KIR3DL3: variants seen among roughly 807,000 people sequenced by gnomAD.
KIR3DL3 encodes killer cell immunoglobulin-like receptor 3DL3.
Under a neutral mutation model 34.9 loss-of-function variants are expected in KIR3DL3, and 27 were observed. The ratio of observed to expected loss-of-function variants is 0.77; its 90% CI spans 0.57 to 1.07. The LOEUF (loss-of-function observed/expected upper bound fraction) is 1.07. Among genes scored for constraint, KIR3DL3 ranks in the 50% least tolerant of loss-of-function variants. The probability of loss-of-function intolerance (pLI) is 0.00; values close to 1 mark genes in which losing one functional copy is unlikely to be tolerated. For missense variants in KIR3DL3, 681 were observed against 528.5 expected, an observed-to-expected ratio of 1.29 and a Z score of -2.83; for synonymous variants, 217 against 200.2, an observed-to-expected ratio of 1.08 and a Z score of -0.71.
chr19:54,729,877 A>T (rs1388422354), intron 5 of KIR3DL3, 91 bp downstream of exon 5: 2 of 1,277,400 alleles, frequency 1.6e-6, no homozygotes, highest in African/African-American at 1.5e-5. Context: ...GCATGGACAG[A>T]TGCCGAGACA....
intron 4 of KIR3DL3, among the ~76,000 whole-genome samples, chr19:54,728,394 C>T (rs2068433460): frequency 1.4e-5 from 2 of 147,432 alleles, no homozygotes; most frequent in South Asian, 2.2e-4. Flanking sequence ...GTGGAGCTGT[C>T]ATCGTCCCAG....
chr19:54,728,971 TG>T (rs1345168709), intron 4 of KIR3DL3, among the ~76,000 whole-genome samples: 1 of 134,180 alleles, frequency 7.5e-6, no homozygotes, highest in Admixed American at 7.8e-5. Flanking sequence ...GACAGACAGA[TG>T]ATATATAAAT....
chr19:54,729,746 G>A lies in KIR3DL3; in HGVS notation c.909G>A (p.Ala303=), dbSNP rs1176261846. The A allele has an allele frequency of 1.2e-5, 19 of 1,588,258 alleles. No individual in the cohort carries two copies. In the East Asian group the frequency reaches 1.4e-4, roughly 11 times the overall value. ...GCTCTTTCCGTGCCCTGCCCCATGC[G>A]TGGTCAGACCCGAGTGACCCACTGC... ...CFGSFRALPH[A]WSDPSDPLPV... is the part of the protein sequence containing the mutation. Residue 303 remains alanine, a synonymous_variant, in exon 5 of 8, where the codon GCG becomes GCA. Transcript: ENST00000291860.
intron 5 of KIR3DL3, among the ~76,000 whole-genome samples, chr19:54,730,004 G>A (rs2068635297): frequency 6.7e-6 from 1 of 150,140 alleles, no homozygotes; most frequent in Admixed American, 6.7e-5. Flanking sequence ...AGGCACCCAG[G>A]CAGATGGAGA....
At chr19:54,735,915 A>T (rs780594395) in intron 7 of KIR3DL3, 43 bp downstream of exon 7, 1 of 1,605,240 alleles carries the variant, frequency 6.2e-7, no homozygotes, top group East Asian at 2.2e-5. Flanking sequence ...TCTTATTCCC[A>T]AAGAGTCCTG....
At chr19:54,726,008 GGCT>G in intron 2 of KIR3DL3, 42 bp from the exon 3 acceptor site, 1 of 1,435,956 alleles carries the variant, frequency 7.0e-7, no homozygotes, top group Non-Finnish European at 9.7e-7. Flanking sequence ...AGGGAGGGGC[GGCT>G]CCACATCCTC....
intron 2 of KIR3DL3, 67 bp downstream of exon 2, chr19:54,725,349 G>A: frequency 1.6e-6 from 2 of 1,222,296 alleles, no homozygotes. Context: ...GAAACGGGAG[G>A]CAGGCGACAC....
intron 2 of KIR3DL3, 105 bp from the exon 3 acceptor site, chr19:54,725,948 T>C: frequency 9.1e-7 from 1 of 1,104,904 alleles, no homozygotes; most frequent in South Asian, 1.5e-5. Flanking sequence ...CACCCAGGTG[T>C]GGTAGGAGCC....
At chr19:54,731,618 C>A (rs1600205629) in intron 5 of KIR3DL3, among the ~76,000 whole-genome samples, 1 of 152,026 alleles carries the variant, frequency 6.6e-6, no homozygotes, top group African/African-American at 2.4e-5. Flanking sequence ...GAAGTATGAA[C>A]TGCATTTCAC....
chr19:54,732,933 A>T (rs1242097698), intron 5 of KIR3DL3, among the ~76,000 whole-genome samples: 8 of 152,186 alleles, frequency 5.3e-5, no homozygotes, highest in Non-Finnish European at 1.2e-4. Context: ...AGTGACCGAC[A>T]TGAAAATAAG....
At chr19:54,735,660 A>G (rs2069455588) in intron 6 of KIR3DL3, among the ~76,000 whole-genome samples, 160 bp from the exon 7 acceptor site, 1 of 129,380 alleles carries the variant, frequency 7.7e-6, no homozygotes, top group African/African-American at 3.1e-5. Flanking sequence ...TATACATGGG[A>G]TGGATCCTTG....
chr19:54,725,433 G>C, intron 2 of KIR3DL3, 151 bp downstream of exon 2: 1 of 697,730 alleles, frequency 1.4e-6, no homozygotes, highest in Non-Finnish European at 2.3e-6. Flanking sequence ...GGAAGCCAGG[G>C]GAAGCTTCGC....
Position 54,725,231 on chromosome 19 carries a change from T to C in KIR3DL3, c.35-16T>C, listed in dbSNP as rs559793274. ...TGATGTACAGATGGATCATCCATCATGATCTTTCTTTCCAGGGTTCTTCTT... is the reference window on the plus strand; with the variant it reads ...TGATGTACAGATGGATCATCCATCACGATCTTTCTTTCCAGGGTTCTTCTT... On this transcript the variant is annotated splice_polypyrimidine_tract_variant and intron_variant, in intron 1 of 7. Coordinates refer to ENST00000291860, the MANE Select transcript of KIR3DL3 (RefSeq NM_153443.5). 1.3e-5 allele frequency: 21 copies of C among 1,590,526 alleles called. No homozygotes were observed. The African/African-American group carries it at 2.0e-4, about 15-fold the overall frequency.
intron 5 of KIR3DL3, among the ~76,000 whole-genome samples, chr19:54,734,642 T>C (rs2069235685): frequency 6.8e-6 from 1 of 147,602 alleles, no homozygotes; most frequent in Non-Finnish European, 1.5e-5. Context: ...TCCATTTTTG[T>C]TGCTCTAAAG....
At chr19:54,735,214 C>T (rs1351801762) in intron 5 of KIR3DL3, 39 bp from the exon 6 acceptor site, 8 of 1,356,472 alleles carry the variant, frequency 5.9e-6, no homozygotes, top group Non-Finnish European at 8.4e-6. Context: ...AGAGGAACTG[C>T]TATGATTAGC....
intron 5 of KIR3DL3, among the ~76,000 whole-genome samples, chr19:54,733,727 C>T (rs1467643341): frequency 6.6e-6 from 1 of 152,194 alleles, no homozygotes; most frequent in Non-Finnish European, 1.5e-5. Context: ...CTGAACCCAC[C>T]AGCACAGGTC....
intron 5 of KIR3DL3, among the ~76,000 whole-genome samples, chr19:54,734,470 T>G (rs1428805585): frequency 1.3e-5 from 2 of 151,658 alleles, no homozygotes; most frequent in East Asian, 3.9e-4. Context: ...ATGCAGTGTA[T>G]CTGGGGGAAA....
At chr19:54,724,567 G>A in intron 1 of KIR3DL3, 37 bp downstream of exon 1, 1 of 1,604,512 alleles carries the variant, frequency 6.2e-7, no homozygotes, top group African/African-American at 1.4e-5. Flanking sequence ...GGGAGCGCTG[G>A]GGTGGAGATC....
At chr19:54,728,978 T>C (rs191937283) in intron 4 of KIR3DL3, among the ~76,000 whole-genome samples, 23 of 128,472 alleles carry the variant, frequency 1.8e-4, no homozygotes, top group African/African-American at 5.6e-4. Flanking sequence ...AGATGATATA[T>C]AAATAGATAT....
Sources: allele counts gnomAD v4.1 joint callset (sites outside exome capture counted in the v4.1 genomes callset), GRCh38; gene constraint gnomAD v4.1.1; transcripts MANE v1.5; gene names NCBI Gene and HGNC (gene_info 2026-07-23, HGNC 2026-07-21).